The following LRP6 variants were observed in gnomAD, a reference collection of about 807,000 sequenced individuals.
LRP6 encodes LDL receptor related protein 6, also known as low-density lipoprotein receptor-related protein 6.
Under a neutral mutation model 184.1 loss-of-function variants are expected in LRP6, and 43 were observed. The ratio of observed to expected loss-of-function variants is 0.23; its 90% confidence interval spans 0.18 to 0.30. The LOEUF is 0.30. Ranked by LOEUF, LRP6 falls within the 10% of genes least tolerant of loss-of-function variation. LRP6 has a pLI of 1.00. For synonymous variants in LRP6, 719 were observed against 684.9 expected (o/e 1.05, Z -0.78); for missense variants, 1,571 against 2,005.3 (o/e 0.78, Z 4.14).
rs548907758 is a variant in LRP6, at chr12:12,238,050, G to C, written c.449+6212C>G. 1.2e-4 allele frequency among the ~76,000 whole-genome samples: 18 copies of C among 152,258 alleles called. 1 individual carries two copies. In the East Asian group the frequency reaches 3.3e-3, roughly 28 times the overall value. ...CTTTTTTTCCAAGTCTAAAATTACT[G>C]ATATACTGTTTTCTCTACTTTTATG... is the stretch of plus-strand genomic sequence containing the variant. On this transcript the variant is annotated intron_variant, in intron 2 of 22. Coordinates refer to ENST00000261349, the MANE Select transcript of LRP6 (RefSeq NM_002336.3).
rs183861899 is a variant in LRP6 at position 12,166,602 on chromosome 12, G to A, written c.1546-1307C>T. 2.4e-3 allele frequency among the ~76,000 whole-genome samples: 363 copies of A among 152,098 alleles called. 1 individual carries two copies. The highest frequency in any genetic ancestry group is 8.5e-3 in the African/African-American group (352 of 41,480). On this transcript the variant is annotated intron_variant, in intron 7 of 22. Coordinates refer to ENST00000261349, the MANE Select transcript of LRP6 (RefSeq NM_002336.3). Reference sequence around the variant, plus strand: ...ATTTTGCTGATCTTTACATTCAAATGTTGGCTTTCCTATTAAAATTTGCTG... The same window carrying A: ...ATTTTGCTGATCTTTACATTCAAATATTGGCTTTCCTATTAAAATTTGCTG...
chr12:12,159,642 G>C, intron 11 of LRP6, 138 bp downstream of exon 11: 1 of 779,764 alleles, frequency 1.3e-6, no homozygotes, highest in South Asian at 1.7e-5. Flanking sequence ...TAACAAACAG[G>C]ATACAATTCC....
intron 19 of LRP6, among the ~76,000 whole-genome samples, chr12:12,129,951 T>A (rs1328001631): frequency 6.6e-6 from 1 of 152,236 alleles, no homozygotes; most frequent in Non-Finnish European, 1.5e-5. Flanking sequence ...CTGCCACCTG[T>A]GTAGATTTCT....
At chr12:12,132,133 T>G in intron 17 of LRP6, 76 bp from the exon 18 acceptor site, 1 of 876,630 alleles carries the variant, frequency 1.1e-6, no homozygotes, top group Non-Finnish European at 2.0e-6. Flanking sequence ...CATACCTGAG[T>G]GAAGCTCATT....
rs1949764528 is a variant in LRP6, at chr12:12,131,912, G to C, written c.3879C>G (p.Phe1293Leu). 6.2e-7 allele frequency: 1 copy of C among 1,614,060 alleles called. No homozygotes were observed. Among genetic ancestry groups the C allele is most frequent in the South Asian group, 1.1e-5 (1 of 91,090 alleles). ...CAATACACTGCCCACTGGCACACTG[G>C]AACTGGGACTCTGAGCATACAGGAC... ...LNCPVCSESQ[F>L]QCASGQCIDG... The change falls in exon 18 of 23, where the codon TTC becomes TTG. Residue 1293 changes from phenylalanine to leucine, a missense_variant. Coordinates refer to ENST00000261349, the MANE Select transcript of LRP6 (RefSeq NM_002336.3).
chr12:12,196,075 C>T (rs2137025258), intron 3 of LRP6, among the ~76,000 whole-genome samples: 1 of 152,234 alleles, frequency 6.6e-6, no homozygotes, highest in African/African-American at 2.4e-5. Context: ...CAGTACCATG[C>T]TGTTTTGGTT....
rs996518201 is a variant in LRP6, at chr12:12,118,802, T to C, written c.*2324A>G. 6.6e-6 allele frequency: 1 copy of C among 152,126 alleles called. No homozygotes were observed. The highest frequency in any genetic ancestry group is 2.1e-4 in the South Asian group (1 of 4,820). 9.4% of individuals were successfully genotyped at this position (152,126 alleles called of 1,614,324 possible). A position where few individuals can be genotyped will look rare whatever the true frequency, so the allele number is the denominator to read the frequency against. ...ATTTTAAACAAATTGGCACACAAAT[T>C]AGTATTTTGAAGAAGAGGCCATTGC... is the stretch of plus-strand genomic sequence containing the variant. On this transcript the variant is annotated 3_prime_UTR_variant, in exon 23 of 23. Coordinates refer to ENST00000261349, the MANE Select transcript of LRP6 (RefSeq NM_002336.3).
chr12:12,138,068 G>A (rs1246512409), intron 16 of LRP6, among the ~76,000 whole-genome samples: 2 of 151,936 alleles, frequency 1.3e-5, no homozygotes, highest in Non-Finnish European at 2.9e-5. Flanking sequence ...CTACTCTGGA[G>A]GCTGAGGCAT....
chr12:12,216,820 C>G (rs914535707), intron 2 of LRP6, among the ~76,000 whole-genome samples: 1 of 151,856 alleles, frequency 6.6e-6, no homozygotes, highest in African/African-American at 2.4e-5. Flanking sequence ...ACCACCACAT[C>G]CCCTCCCACA....
chr12:12,135,585 C>T (rs564991335), intron 16 of LRP6, among the ~76,000 whole-genome samples: 9 of 151,228 alleles, frequency 6.0e-5, no homozygotes, highest in African/African-American at 2.2e-4. Context: ...ACTCTGCTTC[C>T]CAGGTTCAAG....
intron 13 of LRP6, 21 bp from the exon 14 acceptor site, chr12:12,149,174 A>G (rs753512439): frequency 1.9e-6 from 3 of 1,602,536 alleles, no homozygotes; most frequent in East Asian, 2.2e-5. Context: ...AAAGAAATAC[A>G]GAGAAAATTA....
chr12:12,203,778 A>T (rs1482052989), intron 2 of LRP6, among the ~76,000 whole-genome samples: 2 of 152,126 alleles, frequency 1.3e-5, no homozygotes, highest in Admixed American at 1.3e-4. Context: ...AAAACAAACA[A>T]ACAAACAAAC....
In LRP6 at chr12:12,141,789, A is replaced by C. The variant is rs1326312412; in HGVS notation, c.3398-3255T>G. ...GTATTAACTCTGCAGGGAGGAAAAA[A>C]GTTTTAGAAAGAAATGTACCTAACA... On this transcript the variant is annotated intron_variant, in intron 15 of 22. Coordinates refer to ENST00000261349, the MANE Select transcript of LRP6 (RefSeq NM_002336.3). Among the ~76,000 whole-genome samples, 3 of 152,348 alleles carry C rather than the reference A, an allele frequency of 2.0e-5. No individual in the cohort carries two copies. In the East Asian group the frequency reaches 5.8e-4, roughly 29 times the overall value.
Position 12,164,440 on chromosome 12 carries a change from C to T in LRP6, c.1885G>A (p.Val629Ile). 6.2e-7 allele frequency: 1 copy of T among 1,614,128 alleles called. No individual in the cohort carries two copies. The highest frequency in any genetic ancestry group is 1.1e-5 in the South Asian group (1 of 91,080). The part of the protein sequence containing the change: ...ELISDMKTCI[V>I]PEAFLLFSRR... Reference sequence around the variant, plus strand: ...GAAAACAAAAGGAAAGCCTCTGGGACAATGCAGGTCTTCATGTCACTGATG... The same window carrying T: ...GAAAACAAAAGGAAAGCCTCTGGGATAATGCAGGTCTTCATGTCACTGATG... Residue 629 changes from valine to isoleucine, a missense_variant, in exon 9 of 23, where the codon GTC becomes ATC. Val to Ile is a conservative substitution (Grantham distance 29). Transcript: ENST00000261349.
At chr12:12,198,521 A>T (rs1863827800) in intron 3 of LRP6, among the ~76,000 whole-genome samples, 4 of 137,936 alleles carry the variant, frequency 2.9e-5, no homozygotes, top group African/African-American at 5.4e-5. Flanking sequence ...TTCATTTCTG[A>T]ATTTTTCTCT....
At chr12:12,156,876 T>G (rs763145973) in intron 12 of LRP6, among the ~76,000 whole-genome samples, 3 of 152,246 alleles carry the variant, frequency 2.0e-5, no homozygotes, top group Non-Finnish European at 4.4e-5. Context: ...TTTCTCTCCA[T>G]CAGAGTTAGC....
At chr12:12,138,556 A>G in intron 15 of LRP6, 22 bp from the exon 16 acceptor site, 1 of 1,586,602 alleles carries the variant, frequency 6.3e-7, no homozygotes, top group Non-Finnish European at 8.7e-7. Context: ...AGAAAATTCA[A>G]CAGAAATGAC....
Position 12,158,948 on chromosome 12 carries a change from T to C in LRP6, c.2672A>G (p.Asn891Ser), listed in dbSNP as rs748687925. The C allele has an allele frequency of 1.2e-6, 2 of 1,614,224 alleles. No homozygotes were observed. The highest frequency in any genetic ancestry group is 1.7e-6 in the Non-Finnish European group (2 of 1,180,036). ...GTGCCCATTGCTGGAAGCACATTCATTCCACCCTGACTGTCGAGATGAGTG... is the reference window on the plus strand; with the variant it reads ...GTGCCCATTGCTGGAAGCACATTCACTCCACCCTGACTGTCGAGATGAGTG... ...VFHSSRQSGW[N>S]ECASSNGHCS... Residue 891 changes from asparagine (N) to serine (S), a missense_variant, in exon 12 of 23, where the codon AAT (asparagine) becomes AGT (serine). Around this residue, in one of 4 missense-constraint regions of LRP6, gnomAD observed 158 missense variants for 258.4 expected, o/e 0.61. Transcript: ENST00000261349.
chr12:12,230,751 C>T (rs957258152), intron 2 of LRP6, among the ~76,000 whole-genome samples: 5 of 152,128 alleles, frequency 3.3e-5, no homozygotes, highest in African/African-American at 1.2e-4. Context: ...TTTTACAAAA[C>T]ATCTAGAACT....
Sources: allele counts gnomAD v4.1 joint callset (sites outside exome capture counted in the v4.1 genomes callset), GRCh38; gene constraint gnomAD v4.1.1; regional missense constraint gnomAD v4.1.1; transcripts MANE v1.5; gene names NCBI Gene and HGNC (gene_info 2026-07-23, HGNC 2026-07-21).